CLEC19A: variants seen among roughly 807,000 people sequenced by gnomAD.
The protein encoded by CLEC19A is C-type lectin domain containing 19A.
A neutral mutation model predicts 26.1 loss-of-function variants in CLEC19A; 21 were observed. The ratio of observed to expected loss-of-function variants is 0.80; its 90% CI spans 0.57 to 1.16. CLEC19A has a LOEUF of 1.16. Ranked by LOEUF, CLEC19A falls within the 50% of genes most tolerant of loss-of-function variation. CLEC19A has a pLI of 0.00. For synonymous variants in CLEC19A, 89 were observed against 88.6 expected (o/e 1.00, Z -0.03); for missense variants, 224 against 227.6 (o/e 0.98, Z 0.10).
chr16:19,306,594 C>CTAA lies in CLEC19A; in HGVS notation c.349-932_349-930dup, dbSNP rs369678865. Among the ~76,000 whole-genome samples the CTAA allele has an allele frequency of 4.7e-3, 720 of 151,726 alleles. 6 individuals carry two copies. The highest frequency in any genetic ancestry group is 0.016 in the African/African-American group (645 of 41,366). ...GTTAAAGAAACTTGTATTGAAAGAC[C>CTAA]TAATAATAATAATAATAATAAATAC... On this transcript the variant is annotated intron_variant, in intron 3 of 4. Transcript: ENST00000636231.
chr16:19,308,312 C>T (rs1272881672), intron 4 of CLEC19A, among the ~76,000 whole-genome samples: 1 of 152,182 alleles, frequency 6.6e-6, no homozygotes, highest in East Asian at 1.9e-4. Context: ...GTGTGAACCC[C>T]CGCTCCATCC....
chr16:19,300,351 C>T (rs1432632572), intron 2 of CLEC19A, among the ~76,000 whole-genome samples: 1 of 151,946 alleles, frequency 6.6e-6, no homozygotes, highest in Non-Finnish European at 1.5e-5. Flanking sequence ...AAGTTCAAGA[C>T]CTGCACAGGC....
chr16:19,298,835 A>G lies in CLEC19A; in HGVS notation c.251A>G (p.His84Arg). The change falls in exon 2 of 5, where the codon CAC becomes CGC. Residue 84 changes from histidine (H) to arginine (R), a missense_variant. His to Arg is a conservative substitution (Grantham distance 29). Transcript: ENST00000636231. ...GRKSAKLASI[H>R]SWEENVFVYD... ...AAGTCCGCCAAGCTGGCCTCCATCC[A>G]CAGGTAAGTGGGATCCCCAGTGCCC... 6.5e-7 allele frequency: 1 copy of G among 1,550,366 alleles called. No homozygotes were observed. The highest frequency in any genetic ancestry group is 8.7e-7 in the Non-Finnish European group (1 of 1,146,846).
At chr16:19,303,852 CCTT>C (rs1223525937) in intron 2 of CLEC19A, 1 of 511,938 alleles carries the variant, frequency 2.0e-6, no homozygotes, top group Non-Finnish European at 3.5e-6. Context: ...AGTACTGAGT[CCTT>C]CTTTGAACTG....
intron 1 of CLEC19A, among the ~76,000 whole-genome samples, chr16:19,287,359 C>G (rs1897493440): frequency 6.6e-6 from 1 of 152,090 alleles, no homozygotes; most frequent in African/African-American, 2.4e-5. Context: ...CTAATCCCAT[C>G]ATAAGGATGG....
intron 1 of CLEC19A, among the ~76,000 whole-genome samples, chr16:19,291,128 C>T (rs1027254507): frequency 6.6e-6 from 1 of 152,214 alleles, no homozygotes; most frequent in Non-Finnish European, 1.5e-5. Context: ...AGGCATGAGC[C>T]ACTGCACCTG....
intron 3 of CLEC19A, among the ~76,000 whole-genome samples, chr16:19,306,997 C>T (rs1897970269): frequency 6.6e-6 from 1 of 152,230 alleles, no homozygotes; most frequent in Non-Finnish European, 1.5e-5. Flanking sequence ...TTAATTTGCA[C>T]ATTTATTGCA....
chr16:19,301,736 G>GTTTTTTTTTTTTTTTTTTTTTTTTTTTTT lies in CLEC19A; in HGVS notation c.255-2298_255-2297insTTTTTTTTTTTTTTTTTTTTTTTTTTTTT, dbSNP rs1171248968. Among the ~76,000 whole-genome samples the GTTTTTTTTTTTTTTTTTTTTTTTTTTTTT allele has an allele frequency of 7.4e-5, 6 of 81,492 alleles. 1 individual carries two copies. The highest frequency in any genetic ancestry group is 2.9e-4 in the African/African-American group (6 of 20,926). 53.5% of individuals were successfully genotyped at this position (81,492 alleles called of 152,430 possible). ...ATGACACCATGCCCAGGTTTTTTTG[G>GTTTTTTTTTTTTTTTTTTTTTTTTTTTTT]TTTTTTTTTTTTTTTTTTTTTTTTT... is the stretch of plus-strand genomic sequence containing the variant. On this transcript the variant is annotated intron_variant, in intron 2 of 4. Transcript: ENST00000636231.
intron 2 of CLEC19A, among the ~76,000 whole-genome samples, chr16:19,299,340 A>C (rs2143010005): frequency 6.6e-6 from 1 of 152,308 alleles, no homozygotes; most frequent in South Asian, 2.1e-4. Context: ...CCCTCAAACC[A>C]TATTACATAG....
At chr16:19,293,027 C>A (rs1897622803) in intron 1 of CLEC19A, among the ~76,000 whole-genome samples, 1 of 151,690 alleles carries the variant, frequency 6.6e-6, no homozygotes, top group Non-Finnish European at 1.5e-5. Flanking sequence ...GGGAGAAGGT[C>A]AAAAAGAATG....
intron 2 of CLEC19A, among the ~76,000 whole-genome samples, chr16:19,303,194 G>T (rs1196083212): frequency 6.6e-6 from 1 of 152,200 alleles, no homozygotes; most frequent in East Asian, 1.9e-4. Flanking sequence ...CAGTGCTCAA[G>T]AAACATTTTA....
chr16:19,301,845 C>G (rs1285558442), intron 2 of CLEC19A, among the ~76,000 whole-genome samples: 1 of 148,800 alleles, frequency 6.7e-6, no homozygotes, highest in African/African-American at 2.5e-5. Flanking sequence ...CCTCCCTCGG[C>G]CTCCTAAAGT....
chr16:19,308,900 C>T, intron 4 of CLEC19A, 104 bp from the exon 5 acceptor site: 1 of 839,480 alleles, frequency 1.2e-6, no homozygotes, highest in Non-Finnish European at 2.0e-6. Flanking sequence ...CCAGCATAGA[C>T]ACAAGGCCTA....
Position 19,297,635 on chromosome 16 carries a change from G to A in CLEC19A, c.89-1038G>A, listed in dbSNP as rs1283343236. Among the ~76,000 whole-genome samples the A allele has an allele frequency of 4.6e-5, 7 of 152,254 alleles. No individual in the cohort carries two copies. In the East Asian group the frequency reaches 1.2e-3, roughly 25 times the overall value. ...ACTCTAGGAGAGCCACTCAGTAGAG[G>A]ATTCAAGAGCTATTTAAAACAATGT... On this transcript the variant is annotated intron_variant, in intron 1 of 4. Transcript: ENST00000636231.
intron 1 of CLEC19A, among the ~76,000 whole-genome samples, chr16:19,297,579 A>C (rs938876252): frequency 1.3e-5 from 2 of 152,226 alleles, no homozygotes; most frequent in African/African-American, 2.4e-5. Context: ...AAACTATCTA[A>C]TTATCTAAAA....
At chr16:19,307,944 G>C (rs1287189189) in intron 4 of CLEC19A, among the ~76,000 whole-genome samples, 1 of 152,162 alleles carries the variant, frequency 6.6e-6, no homozygotes, top group African/African-American at 2.4e-5. Context: ...TAGAAGCATG[G>C]GGGGAATAAA....
At chr16:19,300,044 C>T (rs570129827) in intron 2 of CLEC19A, among the ~76,000 whole-genome samples, 77 of 151,862 alleles carry the variant, frequency 5.1e-4, no homozygotes, top group Non-Finnish European at 9.3e-4. Flanking sequence ...GCTAACATGG[C>T]GAAACCCCAT....
chr16:19,295,240 C>G (rs1897682730), intron 1 of CLEC19A, among the ~76,000 whole-genome samples: 1 of 152,078 alleles, frequency 6.6e-6, no homozygotes, highest in Middle Eastern at 3.2e-3. Context: ...GGGTCTTGCT[C>G]TATCGTCCAG....
intron 3 of CLEC19A, among the ~76,000 whole-genome samples, chr16:19,306,986 G>T (rs1265129069): frequency 2.0e-5 from 3 of 152,212 alleles, no homozygotes; most frequent in African/African-American, 7.2e-5. Flanking sequence ...TTTTTCCACA[G>T]TTAATTTGCA....
Sources: gnomAD v4.1 joint callset for allele counts (sites outside exome capture counted in the v4.1 genomes callset) on GRCh38, gnomAD v4.1.1 for gene constraint, MANE v1.5 for transcripts, NCBI Gene and HGNC (gene_info 2026-07-23, HGNC 2026-07-21) for gene names.